NKAIN3: variants seen among roughly 807,000 people sequenced by gnomAD.
NKAIN3 encodes the protein sodium/potassium-transporting ATPase subunit beta-1-interacting protein 3.
NKAIN3 carries 25 observed loss-of-function variants against 30.2 expected under a neutral mutation model. The observed-to-expected ratio is 0.83, with a 90% CI of 0.60 to 1.16. The LOEUF (loss-of-function observed/expected upper bound fraction) is 1.16. Among genes scored for constraint, NKAIN3 ranks in the 50% most tolerant of loss-of-function variants. The pLI, the probability that NKAIN3 is intolerant of heterozygous loss-of-function variation, is 0.00. For missense variants in NKAIN3, 225 were observed against 254.1 expected, an observed-to-expected ratio of 0.89 and a Z score of 0.78; for synonymous variants, 91 against 89.6, an observed-to-expected ratio of 1.02 and a Z score of -0.09.
At chr8:62,767,131 C>G (rs548104720) in intron 4 of NKAIN3, among the ~76,000 whole-genome samples, 191 of 152,236 alleles carry the variant, frequency 1.3e-3, no homozygotes, top group Non-Finnish European at 1.1e-3. Context: ...TAATTCTTTC[C>G]CTCCGCATGG....
At chr8:62,840,511 T>C (rs1007715063) in intron 4 of NKAIN3, among the ~76,000 whole-genome samples, 2 of 152,064 alleles carry the variant, frequency 1.3e-5, no homozygotes, top group Non-Finnish European at 2.9e-5. Flanking sequence ...ATTTTTGTGC[T>C]AAAACTTCTT....
At chr8:62,998,281 TC>T (rs914197987) in intron 5 of NKAIN3, among the ~76,000 whole-genome samples, 11 of 151,814 alleles carry the variant, frequency 7.2e-5, no homozygotes, top group Middle Eastern at 3.4e-3. Context: ...TCTTTTTTTT[TC>T]CCCCACAGGG....
chr8:62,645,547 C>A (rs79936057), intron 3 of NKAIN3, among the ~76,000 whole-genome samples: 3,388 of 152,228 alleles, frequency 0.022, 126 homozygotes, highest in African/African-American at 0.077. Flanking sequence ...CAACCACAAA[C>A]TACAACTTTT....
intron 1 of NKAIN3, among the ~76,000 whole-genome samples, chr8:62,519,883 G>T (rs1808103478): frequency 6.6e-6 from 1 of 152,110 alleles, no homozygotes. Flanking sequence ...ACAGCCCTGT[G>T]CAGACTGGCC....
At chr8:62,347,663 CCAGA>C (rs527254662) in intron 1 of NKAIN3, among the ~76,000 whole-genome samples, 52 of 151,772 alleles carry the variant, frequency 3.4e-4, no homozygotes, top group African/African-American at 8.7e-4. Flanking sequence ...AAGAATAATG[CCAGA>C]CAAAGTGTAG....
intron 1 of NKAIN3, among the ~76,000 whole-genome samples, chr8:62,550,754 C>A (rs746949122): frequency 6.6e-6 from 1 of 152,140 alleles, no homozygotes; most frequent in Non-Finnish European, 1.5e-5. Context: ...ATTCTTGAAA[C>A]AGAATCTCCT....
intron 1 of NKAIN3, among the ~76,000 whole-genome samples, chr8:62,555,988 AAAAAAAATGG>A (rs1286823391): frequency 6.6e-6 from 1 of 151,746 alleles, no homozygotes; most frequent in African/African-American, 2.4e-5. Flanking sequence ...CCTTCAAGTG[AAAAAAAATGG>A]AAATATTTTC....
At chr8:62,846,637 A>G (rs1563590462) in intron 4 of NKAIN3, among the ~76,000 whole-genome samples, 1 of 152,126 alleles carries the variant, frequency 6.6e-6, no homozygotes, top group African/African-American at 2.4e-5. Flanking sequence ...AGCTCCATCC[A>G]TGTTCATGCA....
At chr8:62,672,497 A>T (rs1813335798) in intron 3 of NKAIN3, among the ~76,000 whole-genome samples, 1 of 152,240 alleles carries the variant, frequency 6.6e-6, no homozygotes, top group Admixed American at 6.5e-5. Flanking sequence ...AAGCCACATT[A>T]TTATCAGAAG....
intron 1 of NKAIN3, among the ~76,000 whole-genome samples, chr8:62,487,566 C>T (rs545023834): frequency 6.6e-6 from 1 of 152,174 alleles, no homozygotes; most frequent in East Asian, 1.9e-4. Flanking sequence ...GTTGAATTTC[C>T]ACGTTGTCTC....
intron 4 of NKAIN3, among the ~76,000 whole-genome samples, chr8:62,770,988 A>G (rs1816990372): frequency 6.6e-6 from 1 of 152,210 alleles, no homozygotes. Flanking sequence ...AGACATGCAA[A>G]GAAACAAGAA....
chr8:62,993,132 G>T (rs747368918), intron 5 of NKAIN3, among the ~76,000 whole-genome samples: 23 of 152,112 alleles, frequency 1.5e-4, no homozygotes, highest in Non-Finnish European at 3.1e-4. Flanking sequence ...GGCCAGGCCT[G>T]GAAGTCGTCC....
chr8:62,644,264 C>T (rs1323848289), intron 3 of NKAIN3, among the ~76,000 whole-genome samples: 1 of 152,056 alleles, frequency 6.6e-6, no homozygotes, highest in Non-Finnish European at 1.5e-5. Flanking sequence ...TCCCGTAGGT[C>T]TTTTTATTGT....
At chr8:62,294,256 G>T (rs371260711) in intron 1 of NKAIN3, among the ~76,000 whole-genome samples, 1 of 152,162 alleles carries the variant, frequency 6.6e-6, no homozygotes, top group African/African-American at 2.4e-5. Flanking sequence ...GATGAACCCA[G>T]TACCTCAGTT....
chr8:62,357,639 G>A (rs1348505248), intron 1 of NKAIN3, among the ~76,000 whole-genome samples: 1 of 152,024 alleles, frequency 6.6e-6, no homozygotes, highest in Non-Finnish European at 1.5e-5. Flanking sequence ...CAAAACGCAA[G>A]CCCATAAAAT....
intron 3 of NKAIN3, among the ~76,000 whole-genome samples, chr8:62,651,334 C>T (rs768693089): frequency 6.6e-6 from 1 of 152,050 alleles, no homozygotes; most frequent in African/African-American, 2.4e-5. Flanking sequence ...AAGAAAGACA[C>T]CCAAAAAATC....
At chr8:62,631,856 G>A (rs894614435) in intron 3 of NKAIN3, among the ~76,000 whole-genome samples, 8 of 152,246 alleles carry the variant, frequency 5.3e-5, no homozygotes, top group Admixed American at 1.3e-4. Context: ...CTCATGCCTC[G>A]TTTGAAAGTC....
intron 1 of NKAIN3, among the ~76,000 whole-genome samples, chr8:62,282,407 A>G (rs1813234611): frequency 6.6e-6 from 1 of 152,106 alleles, no homozygotes; most frequent in South Asian, 2.1e-4. Flanking sequence ...GGGATACCCA[A>G]AAATTTTCTA....
In NKAIN3 at chr8:62,316,842, G is replaced by A. The variant is rs563608684; in HGVS notation, c.54+67715G>A. ...TGGTATTTCTAGTTCTAGATCCTGA[G>A]GAATCGCCACACTAACTTCCACAAT... On this transcript the variant is annotated intron_variant, in intron 1 of 6. Transcript: ENST00000623646. Among the ~76,000 whole-genome samples the A allele has an allele frequency of 9.7e-4, 148 of 152,240 alleles. 3 individuals carry two copies. In the East Asian group the frequency reaches 0.026, roughly 27 times the overall value.
Sources: allele counts gnomAD v4.1 joint callset (sites outside exome capture counted in the v4.1 genomes callset), GRCh38; gene constraint gnomAD v4.1.1; transcripts MANE v1.5; gene names NCBI Gene and HGNC (gene_info 2026-07-23, HGNC 2026-07-21).